Variants in ATRNL1 observed in about 807,000 individuals in gnomAD.
ATRNL1 encodes attractin like 1.
A neutral mutation model predicts 182.7 loss-of-function variants in ATRNL1; 95 were observed. The observed-to-expected ratio is 0.52, with a 90% CI of 0.44 to 0.62. The LOEUF is 0.62. Ranked by LOEUF, ATRNL1 falls within the 20% of genes least tolerant of loss-of-function variation. ATRNL1 has a pLI of 0.00. For missense variants in ATRNL1, 1,471 were observed against 1,679.5 expected (o/e 0.88, Z 2.17); for synonymous variants, 576 against 568.3 (o/e 1.01, Z -0.19).
intron 17 of ATRNL1, among the ~76,000 whole-genome samples, chr10:115,305,339 G>T (rs1458468592): frequency 6.6e-6 from 1 of 152,128 alleles, no homozygotes; most frequent in Non-Finnish European, 1.5e-5. Context: ...GTGTTCATTT[G>T]TTCCTTCAGG....
At chr10:115,539,210 C>G (rs1852211905) in intron 25 of ATRNL1, among the ~76,000 whole-genome samples, 1 of 152,148 alleles carries the variant, frequency 6.6e-6, no homozygotes, top group Admixed American at 6.5e-5. Flanking sequence ...AGGTGTAATT[C>G]AATGCTGATT....
intron 28 of ATRNL1, among the ~76,000 whole-genome samples, chr10:115,915,271 G>A (rs778602285): frequency 3.5e-4 from 53 of 152,106 alleles, no homozygotes; most frequent in Non-Finnish European, 6.0e-4. Context: ...GGTGGCGGGC[G>A]CCTGTAGTCC....
chr10:115,920,200 G>A (rs760804512), intron 28 of ATRNL1, among the ~76,000 whole-genome samples: 14 of 152,200 alleles, frequency 9.2e-5, no homozygotes, highest in East Asian at 3.9e-4. Context: ...TGTTAGACTC[G>A]TGGTTTTGTA....
intron 27 of ATRNL1, among the ~76,000 whole-genome samples, chr10:115,775,890 G>A (rs978001791): frequency 6.0e-5 from 9 of 151,166 alleles, no homozygotes; most frequent in Non-Finnish European, 7.4e-5. Flanking sequence ...CCCGGGAGGC[G>A]GAGGTTGCAG....
At chr10:115,323,231 G>A (rs1404688646) in intron 18 of ATRNL1, among the ~76,000 whole-genome samples, 1 of 151,790 alleles carries the variant, frequency 6.6e-6, no homozygotes, top group African/African-American at 2.4e-5. Context: ...CTATCTTTAA[G>A]CTTGCTGATT....
chr10:115,283,496 A>G (rs1485329596), intron 14 of ATRNL1, among the ~76,000 whole-genome samples: 1 of 152,208 alleles, frequency 6.6e-6, no homozygotes, highest in Non-Finnish European at 1.5e-5. Flanking sequence ...ACTGGCCCTT[A>G]AAGCCTTTAA....
At chr10:115,813,557 G>T (rs1162418208) in intron 27 of ATRNL1, among the ~76,000 whole-genome samples, 2 of 152,288 alleles carry the variant, frequency 1.3e-5, no homozygotes, top group African/African-American at 2.4e-5. Flanking sequence ...ATAGCTGCTG[G>T]TTGTACTTGG....
chr10:115,492,058 CT>C (rs1849325693), intron 24 of ATRNL1, among the ~76,000 whole-genome samples: 1 of 152,156 alleles, frequency 6.6e-6, no homozygotes, highest in African/African-American at 2.4e-5. Flanking sequence ...AGCTCACCCT[CT>C]GTGGGCTGTA....
chr10:115,553,669 A>G (rs1554996192), intron 26 of ATRNL1, among the ~76,000 whole-genome samples: 1 of 151,320 alleles, frequency 6.6e-6, no homozygotes, highest in Non-Finnish European at 1.5e-5. Context: ...ATAAACCAAT[A>G]CCCACAAGTA....
At position 115,427,946 on chromosome 10, in the gene ATRNL1, A is replaced by G. The variant is rs942206456; in HGVS notation, c.3322+1644A>G. On this transcript the variant is annotated intron_variant, in intron 21 of 28. Coordinates refer to ENST00000355044, the MANE Select transcript of ATRNL1 (RefSeq NM_207303.4). ...AGTGAATTTTAGAATCTGCCTTTCA[A>G]TTTTCAAAAAAATTGCTATAATTTG... is the stretch of plus-strand genomic sequence containing the variant. Among the ~76,000 whole-genome samples, 3 of 151,534 alleles carry G rather than the reference A, an allele frequency of 2.0e-5. No homozygotes were observed. The East Asian group carries it at 5.8e-4, about 29-fold the overall frequency.
intron 21 of ATRNL1, among the ~76,000 whole-genome samples, chr10:115,459,041 CTA>C: frequency 6.6e-6 from 1 of 152,116 alleles, no homozygotes; most frequent in East Asian, 1.9e-4. Flanking sequence ...ACTGCAATCT[CTA>C]AACATAAATT....
intron 26 of ATRNL1, among the ~76,000 whole-genome samples, chr10:115,588,471 G>A (rs1256142538): frequency 3.9e-5 from 6 of 152,188 alleles, no homozygotes; most frequent in Non-Finnish European, 5.9e-5. Flanking sequence ...GCCTTCCACA[G>A]TATTCTGTGG....
intron 22 of ATRNL1, among the ~76,000 whole-genome samples, chr10:115,463,399 A>T (rs1554970218): frequency 6.6e-6 from 1 of 152,126 alleles, no homozygotes; most frequent in Admixed American, 6.6e-5. Context: ...GCCGTCCTTC[A>T]CTGATTATCT....
chr10:115,569,592 G>T (rs535050627), intron 26 of ATRNL1, among the ~76,000 whole-genome samples: 7 of 152,222 alleles, frequency 4.6e-5, no homozygotes, highest in African/African-American at 1.4e-4. Context: ...ATATTATCCA[G>T]TGTTCAAGGG....
intron 24 of ATRNL1, among the ~76,000 whole-genome samples, chr10:115,473,800 A>G (rs1848411789): frequency 6.6e-6 from 1 of 151,254 alleles, no homozygotes; most frequent in South Asian, 2.1e-4. Flanking sequence ...TCAGTCTTGG[A>G]AAGATGTATT....
intron 27 of ATRNL1, among the ~76,000 whole-genome samples, chr10:115,829,069 G>A (rs1418463509): frequency 1.3e-5 from 2 of 151,726 alleles, no homozygotes; most frequent in African/African-American, 4.9e-5. Flanking sequence ...CCTATCTGTA[G>A]AATTTCCCTC....
At chr10:115,765,771 A>G (rs1163705882) in intron 27 of ATRNL1, among the ~76,000 whole-genome samples, 1 of 152,100 alleles carries the variant, frequency 6.6e-6, no homozygotes, top group Non-Finnish European at 1.5e-5. Context: ...ATCATTTTGC[A>G]TTTTACATTT....
In ATRNL1 at chr10:115,141,422, T is replaced by A. The variant is rs183405386; in HGVS notation, c.829+11887T>A. Among the ~76,000 whole-genome samples the A allele has an allele frequency of 2.6e-5, 4 of 152,282 alleles. No individual in the cohort carries two copies. The East Asian group carries it at 7.7e-4, about 29-fold the overall frequency. Reference sequence around the variant, plus strand: ...TCTTGGTCTTATTTTGTTTCAATCCTTTGGTTTTAGATTTTAACATTTGCC... The same window carrying A: ...TCTTGGTCTTATTTTGTTTCAATCCATTGGTTTTAGATTTTAACATTTGCC... On this transcript the variant is annotated intron_variant, in intron 5 of 28. Transcript: ENST00000355044.
At chr10:115,633,229 C>G (rs543103649) in intron 26 of ATRNL1, among the ~76,000 whole-genome samples, 6 of 152,028 alleles carry the variant, frequency 3.9e-5, no homozygotes, top group Non-Finnish European at 7.4e-5. Context: ...ATATTTTAAG[C>G]GACAATCTTC....
Sources: gnomAD v4.1 joint callset for allele counts (sites outside exome capture counted in the v4.1 genomes callset) on GRCh38, gnomAD v4.1.1 for gene constraint, MANE v1.5 for transcripts, NCBI Gene and HGNC (gene_info 2026-07-23, HGNC 2026-07-21) for gene names.